The following GBP1 variants were observed in gnomAD, a reference collection of about 807,000 sequenced individuals.
GBP1 encodes guanylate binding protein 1.
A neutral mutation model predicts 69.5 loss-of-function variants in GBP1; 64 were observed. The ratio of observed to expected loss-of-function variants is 0.92; its 90% CI spans 0.75 to 1.13. GBP1 has a LOEUF of 1.13. Ranked by LOEUF, GBP1 falls within the 50% of genes most tolerant of loss-of-function variation. The pLI is 0.00. For missense variants in GBP1, 630 were observed against 704.1 expected (o/e 0.89, Z 1.19); for synonymous variants, 250 against 261.2 (o/e 0.96, Z 0.41).
At position 89,052,462 on chromosome 1, in the gene GBP1, A is replaced by G. The variant is rs566680808; in HGVS notation, c.*893T>C. 1 of 152,324 alleles carries G rather than the reference A, an allele frequency of 6.6e-6. No homozygotes were observed. Among genetic ancestry groups the G allele is most frequent in the East Asian group, 1.9e-4 (1 of 5,192 alleles). 9.4% of individuals were successfully genotyped at this position (152,324 alleles called of 1,614,324 possible). A position where few individuals can be genotyped will look rare whatever the true frequency, so the allele number is the denominator to read the frequency against. On this transcript the variant is annotated 3_prime_UTR_variant, in exon 11 of 11. Transcript: ENST00000370473. ...AGTCAAAAATGTCAAAAAAAATCCC[A>G]TATTCTCTTCTGGGGAAACTCAGAA...
rs1043924679 is a variant in GBP1, at chr1:89,056,089, C to G, written c.1295G>C (p.Gly432Ala). ...TAGCTTCTGAACAAAGAGACGATAG[C>G]CCCCTGGTTTCGAATAAATTCCCGC... is the stretch of plus-strand genomic sequence containing the variant. ...VKAGIYSKPG[G>A]YRLFVQKLQD... Residue 432 changes from glycine to alanine, a missense_variant, in exon 8 of 11, where the codon GGC becomes GCC. Coordinates refer to ENST00000370473, the MANE Select transcript of GBP1 (RefSeq NM_002053.3). 1.2e-6 allele frequency: 2 copies of G among 1,613,478 alleles called. No individual in the cohort carries two copies. The highest frequency in any genetic ancestry group is 2.2e-5 in the South Asian group (2 of 91,076).
intron 2 of GBP1, among the ~76,000 whole-genome samples, chr1:89,061,278 C>A (rs1419640260): frequency 1.3e-5 from 2 of 151,966 alleles, no homozygotes; most frequent in African/African-American, 4.8e-5. Context: ...AGTTGTGAAA[C>A]GTATTACAAA....
intron 1 of GBP1, among the ~76,000 whole-genome samples, chr1:89,063,564 T>C (rs1462825219): frequency 1.3e-5 from 2 of 152,232 alleles, no homozygotes; most frequent in Admixed American, 1.3e-4. Context: ...GAAGATAGAA[T>C]AGGATTTAGA....
chr1:89,055,242 G>A (rs745980927), intron 8 of GBP1, 27 bp from the exon 9 acceptor site: 1 of 1,612,322 alleles, frequency 6.2e-7, no homozygotes, highest in African/African-American at 1.3e-5. Flanking sequence ...CACAGAGTGA[G>A]AAGTAGGAAA....
In GBP1 at chr1:89,054,868, A is replaced by G; in HGVS notation, c.1479T>C (p.Arg493=). ...TEKEKEIEVE[R]VKAESAQASA... ...AAGCCTGTGCAGACTCAGCTTTCAC[A>G]CGTTCCACTGAGGAGGAAAAGGCAG... is the stretch of plus-strand genomic sequence containing the variant. The change falls in exon 10 of 11, where the codon CGT becomes CGC. Residue 493 remains arginine (R), a synonymous_variant. Coordinates refer to ENST00000370473, the MANE Select transcript of GBP1 (RefSeq NM_002053.3). 2 of 1,613,332 alleles carry G rather than the reference A, an allele frequency of 1.2e-6. No homozygotes were observed. Among genetic ancestry groups the G allele is most frequent in the Non-Finnish European group, 1.7e-6 (2 of 1,179,682 alleles).
rs149168400 is a variant in GBP1, at chr1:89,060,305, C to T, written c.210G>A (p.Thr70=). The change falls in exon 3 of 11, where the codon ACG becomes ACA. Residue 70 remains threonine (T), a synonymous_variant. Transcript: ENST00000370473. ...AGATTCCTTTAGTGTGAGACTGCAC[C>T]GTGGAGCCCAGAGAGAAGCCTGCAA... ...GKKKGFSLGS[T]VQSHTKGIWM... is the part of the protein sequence containing the mutation. 59 of 1,595,970 alleles carry T rather than the reference C, an allele frequency of 3.7e-5. No homozygotes were observed. The highest frequency in any genetic ancestry group is 3.0e-4 in the African/African-American group (22 of 74,196).
intron 1 of GBP1, among the ~76,000 whole-genome samples, chr1:89,063,905 A>G (rs1680264820): frequency 6.6e-6 from 1 of 152,198 alleles, no homozygotes; most frequent in Non-Finnish European, 1.5e-5. Context: ...GTCATGTCCA[A>G]GAGAAGGGCC....
intron 10 of GBP1, among the ~76,000 whole-genome samples, chr1:89,054,240 CAGGTGCCCGCCACCACATCT>C (rs1206110077): frequency 6.6e-6 from 1 of 152,064 alleles, no homozygotes; most frequent in East Asian, 1.9e-4. Context: ...GCTGGGACTA[CAGGTGCCCGCCACCACATCT>C]AGCTAAATTT....
intron 2 of GBP1, 101 bp from the exon 3 acceptor site, chr1:89,060,425 A>G (rs1182922684): frequency 9.3e-7 from 1 of 1,076,994 alleles, no homozygotes; most frequent in African/African-American, 1.6e-5. Flanking sequence ...AGAGAACTGA[A>G]ACAACAATCA....
At chr1:89,059,552 TTTA>T in intron 3 of GBP1, 126 bp from the exon 4 acceptor site, 1 of 915,466 alleles carries the variant, frequency 1.1e-6, no homozygotes, top group African/African-American at 1.7e-5. Context: ...TTTTTTTTTT[TTTA>T]ACACTAATGA....
At chr1:89,064,240 T>TGTGTGTGTGTGA (rs1243424526) in intron 1 of GBP1, among the ~76,000 whole-genome samples, 1 of 100,010 alleles carries the variant, frequency 1.0e-5, no homozygotes, top group African/African-American at 4.1e-5. Flanking sequence ...TGTGTGTGTG[T>TGTGTGTGTGTGA]GAGAGAGAGA....
At position 89,056,242 on chromosome 1, in the gene GBP1, A is replaced by C. The variant is rs774030889; in HGVS notation, c.1156-14T>G. 2.5e-6 allele frequency: 4 copies of C among 1,613,866 alleles called. No homozygotes were observed. In the East Asian group the frequency reaches 8.9e-5, roughly 36 times the overall value. On this transcript the variant is annotated splice_polypyrimidine_tract_variant and intron_variant, in intron 7 of 10. Transcript: ENST00000370473. ...TTCTAGCTGGGCCTTTAATGTAAAA[A>C]TAGGAAGTAAAAAGAGTAACAGGGA...
At chr1:89,062,614 C>G (rs1378310787) in intron 2 of GBP1, 3 of 164,408 alleles carry the variant, frequency 1.8e-5, no homozygotes, top group Non-Finnish European at 4.1e-5. Flanking sequence ...CAGAGCTGTA[C>G]ACTTAAAAAT....
chr1:89,055,172 A>G lies in GBP1; in HGVS notation c.1412T>C (p.Met471Thr). The change falls in exon 9 of 11, where the codon ATG becomes ACG. Residue 471 changes from methionine (M) to threonine (T), a missense_variant. This residue lies in a region of GBP1 where 367 missense variants were observed against 369.5 expected (regional missense o/e 0.99). Coordinates refer to ENST00000370473, the MANE Select transcript of GBP1 (RefSeq NM_002053.3). ...LQTYLKSKES[M>T]TDAILQTDQT... is the part of the protein sequence containing the mutation. Reference sequence around the variant, plus strand: ...GTCTGTCTGGAGAATTGCATCAGTCATAGACTCCTTGGATTTCAAGTATGT... The same window carrying G: ...GTCTGTCTGGAGAATTGCATCAGTCGTAGACTCCTTGGATTTCAAGTATGT... The G allele has an allele frequency of 1.2e-6, 2 of 1,612,012 alleles. No individual in the cohort carries two copies. Among genetic ancestry groups the G allele is most frequent in the African/African-American group, 1.3e-5 (1 of 74,854 alleles).
chr1:89,056,302 G>A (rs113317426), intron 7 of GBP1, 74 bp from the exon 8 acceptor site: 27 of 1,609,818 alleles, frequency 1.7e-5, no homozygotes, highest in South Asian at 3.3e-5. Flanking sequence ...TTTTGGGAAC[G>A]ATTTCTGAAA....
chr1:89,064,681 C>T (rs1373566610), intron 1 of GBP1, among the ~76,000 whole-genome samples: 4 of 152,122 alleles, frequency 2.6e-5, no homozygotes, highest in African/African-American at 7.2e-5. Flanking sequence ...TGTCTTTAAC[C>T]GTGTCAGTGG....
Position 89,054,803 on chromosome 1 carries a change from T to C in GBP1, c.1544A>G (p.Gln515Arg). 6.2e-7 allele frequency: 1 copy of C among 1,614,262 alleles called. No homozygotes were observed. The highest frequency in any genetic ancestry group is 8.5e-7 in the Non-Finnish European group (1 of 1,180,036). ...ACTCCTCTCCTTCTGTTCCATCATC[T>C]GCTCATTCTTTCTTTGCATTTCCTG... ...MLQEMQRKNE[Q>R]MMEQKERSYQ... is the part of the protein sequence containing the mutation. Residue 515 changes from glutamine to arginine, a missense_variant, in exon 10 of 11, where the codon CAG becomes CGG. Coordinates refer to ENST00000370473, the MANE Select transcript of GBP1 (RefSeq NM_002053.3).
Position 89,057,987 on chromosome 1 carries a change from C to T in GBP1, c.874+5G>A, listed in dbSNP as rs1286364754. On this transcript the variant is annotated splice_donor_5th_base_variant and intron_variant, in intron 6 of 10. Transcript: ENST00000370473. ...ATGAGCAGAAGTACTAGGAAGGGGA[C>T]TTACGAGGCCCGTTGACCTGGATGC... 1.9e-6 allele frequency: 3 copies of T among 1,608,728 alleles called. No homozygotes were observed. Among genetic ancestry groups the T allele is most frequent in the African/African-American group, 1.3e-5 (1 of 74,778 alleles).
At position 89,063,144 on chromosome 1, in the gene GBP1, G is replaced by A. The variant is rs556340222; in HGVS notation, c.91C>T (p.Leu31Phe). The change falls in exon 2 of 11, where the codon CTT becomes TTT. Residue 31 changes from leucine to phenylalanine, a missense_variant. Coordinates refer to ENST00000370473, the MANE Select transcript of GBP1 (RefSeq NM_002053.3). ...LMANPEALKI[L>F]SAITQPMVVV... Reference sequence around the variant, plus strand: ...ACCATAGGCTGTGTAATGGCAGAAAGGATCTTCAGAGCTTCTGGATTCGCC... The same window carrying A: ...ACCATAGGCTGTGTAATGGCAGAAAAGATCTTCAGAGCTTCTGGATTCGCC... 2 of 1,614,100 alleles carry A rather than the reference G, an allele frequency of 1.2e-6. No homozygotes were observed. Among genetic ancestry groups the A allele is most frequent in the African/African-American group, 2.7e-5 (2 of 75,016 alleles).
Sources: allele counts gnomAD v4.1 joint callset (sites outside exome capture counted in the v4.1 genomes callset), GRCh38; gene constraint gnomAD v4.1.1; regional missense constraint gnomAD v4.1.1; transcripts MANE v1.5; gene names NCBI Gene and HGNC (gene_info 2026-07-23, HGNC 2026-07-21).